Variants in PPM1L observed in about 807,000 individuals in gnomAD.
PPM1L encodes protein phosphatase 1L.
A neutral mutation model predicts 31.4 loss-of-function variants in PPM1L; 13 were observed. That is an observed-to-expected ratio of 0.41 (90% CI 0.27 to 0.66). PPM1L has a LOEUF of 0.66. Among genes scored for constraint, PPM1L ranks in the 30% least tolerant of loss-of-function variants. PPM1L has a pLI of 0.29. For synonymous variants in PPM1L, 184 were observed against 175.4 expected (o/e 1.05, Z -0.39); for missense variants, 326 against 453.7 (o/e 0.72, Z 2.56).
chr3:160,756,526 G>A lies in PPM1L; in HGVS notation c.218G>A (p.Gly73Glu). ...VAEIMQNDRLGGLDVLEAEFS... is the reference protein window; with the variant it reads ...VAEIMQNDRLEGLDVLEAEFS... ...GAGATCATGCAGAACGATCGACTCGGGGGGCTTGATGTGCTCGAGGCCGAG... is the reference window on the plus strand; with the variant it reads ...GAGATCATGCAGAACGATCGACTCGAGGGGCTTGATGTGCTCGAGGCCGAG... Residue 73 changes from glycine (G) to glutamate (E), a missense_variant, in exon 1 of 4, where the codon GGG becomes GAG. This residue lies in a region of PPM1L where 83 missense variants were observed against 79.4 expected (regional missense o/e 1.04). Transcript: ENST00000498165. This position sits in a 1 kb window ranked among gnomAD's most constrained non-coding sequence, Gnocchi z 6.2. The A allele has an allele frequency of 6.2e-7, 1 of 1,614,122 alleles. No individual in the cohort carries two copies. The highest frequency in any genetic ancestry group is 8.5e-7 in the Non-Finnish European group (1 of 1,180,006).
intron 2 of PPM1L, among the ~76,000 whole-genome samples, chr3:160,974,463 G>C (rs1716490930): frequency 6.7e-6 from 1 of 150,278 alleles, no homozygotes. Context: ...TTCCACAATG[G>C]TTGAACTAGT....
At chr3:160,757,205 C>G (rs1011865546) in intron 1 of PPM1L, among the ~76,000 whole-genome samples, 1 of 152,214 alleles carries the variant, frequency 6.6e-6, no homozygotes, top group East Asian at 1.9e-4. Context: ...TGACTCCTTC[C>G]CATCGCCTTC....
At chr3:161,015,936 T>G (rs984073800) in intron 2 of PPM1L, among the ~76,000 whole-genome samples, 2 of 152,050 alleles carry the variant, frequency 1.3e-5, no homozygotes, top group Admixed American at 6.6e-5. Context: ...CCTTAAAAAG[T>G]GAGGAGTGCC....
At chr3:161,030,214 A>G (rs1284936059) in intron 2 of PPM1L, among the ~76,000 whole-genome samples, 1 of 152,218 alleles carries the variant, frequency 6.6e-6, no homozygotes, top group East Asian at 1.9e-4. Context: ...CCTTTAGGAG[A>G]CGATTAAGGA....
chr3:160,983,667 G>A (rs1716873942), intron 2 of PPM1L, among the ~76,000 whole-genome samples: 1 of 152,316 alleles, frequency 6.6e-6, no homozygotes, highest in Admixed American at 6.5e-5. Context: ...GGCGATCAGT[G>A]CATCATTGCT....
intron 2 of PPM1L, among the ~76,000 whole-genome samples, chr3:160,963,093 T>C: frequency 6.6e-6 from 1 of 152,016 alleles, no homozygotes; most frequent in East Asian, 1.9e-4. Context: ...GGAATAAAGT[T>C]AGGTTTTGAT....
chr3:160,811,564 C>T (rs1197189163), intron 1 of PPM1L, among the ~76,000 whole-genome samples: 3 of 152,184 alleles, frequency 2.0e-5, no homozygotes, highest in Non-Finnish European at 4.4e-5. Context: ...TTCCCAACTC[C>T]TGTTTTAATA....
chr3:160,914,975 C>G (rs953543533), intron 1 of PPM1L, among the ~76,000 whole-genome samples: 1 of 152,004 alleles, frequency 6.6e-6, no homozygotes, highest in African/African-American at 2.4e-5. Context: ...TTTTAATGAT[C>G]GCCATTCTAA....
At chr3:161,046,396 T>C (rs1238575129) in intron 2 of PPM1L, among the ~76,000 whole-genome samples, 1 of 151,782 alleles carries the variant, frequency 6.6e-6, no homozygotes, top group African/African-American at 2.4e-5. Context: ...CAGGAAGAAG[T>C]TGAATCCCTG....
intron 1 of PPM1L, among the ~76,000 whole-genome samples, chr3:160,885,830 C>T (rs1712897457): frequency 6.6e-6 from 1 of 152,350 alleles, no homozygotes; most frequent in Admixed American, 6.5e-5. Context: ...GCCTGCGGAG[C>T]TCCCCTGGGG....
intron 2 of PPM1L, among the ~76,000 whole-genome samples, chr3:160,962,124 G>GT (rs1715985967): frequency 6.6e-6 from 1 of 151,876 alleles, no homozygotes; most frequent in Non-Finnish European, 1.5e-5. Context: ...AAATTTTGCT[G>GT]TTTTTTATTG....
intron 1 of PPM1L, among the ~76,000 whole-genome samples, chr3:160,816,150 A>G (rs1220739067): frequency 6.6e-6 from 1 of 152,114 alleles, no homozygotes; most frequent in Non-Finnish European, 1.5e-5. Context: ...TCTAGATTTC[A>G]ATTAAACTGA....
chr3:160,970,147 T>G (rs1716275124), intron 2 of PPM1L, among the ~76,000 whole-genome samples: 1 of 152,206 alleles, frequency 6.6e-6, no homozygotes, highest in African/African-American at 2.4e-5. Context: ...TTTAATATTT[T>G]TAATATGGTT....
intron 1 of PPM1L, among the ~76,000 whole-genome samples, chr3:160,796,187 T>A (rs1194545482): frequency 6.6e-6 from 1 of 152,206 alleles, no homozygotes; most frequent in Non-Finnish European, 1.5e-5. Context: ...CATGTAAAAT[T>A]GGAGTAAAGC....
chr3:160,801,128 T>TACACACAC (rs10575984), intron 1 of PPM1L, among the ~76,000 whole-genome samples: 89 of 145,686 alleles, frequency 6.1e-4, no homozygotes, highest in Admixed American at 8.9e-4. Flanking sequence ...TGTTTAGTGA[T>TACACACAC]ACACACACAC....
chr3:160,966,234 A>C (rs1210336222), intron 2 of PPM1L, among the ~76,000 whole-genome samples: 2 of 152,038 alleles, frequency 1.3e-5, no homozygotes, highest in Non-Finnish European at 2.9e-5. Flanking sequence ...TATATTTTCC[A>C]ATGTGGTATT....
chr3:160,860,566 A>G (rs1576675315), intron 1 of PPM1L, among the ~76,000 whole-genome samples: 1 of 152,220 alleles, frequency 6.6e-6, no homozygotes, highest in East Asian at 1.9e-4. Flanking sequence ...GAAATTGCAG[A>G]TTTAGGATTA....
intron 1 of PPM1L, among the ~76,000 whole-genome samples, chr3:160,842,807 A>G (rs1351015539): frequency 1.3e-5 from 2 of 152,196 alleles, no homozygotes; most frequent in African/African-American, 2.4e-5. Context: ...GGAAGGGCCA[A>G]ACCTGGCCTG....
intron 2 of PPM1L, among the ~76,000 whole-genome samples, chr3:161,040,990 C>A (rs1241274686): frequency 6.6e-6 from 1 of 152,156 alleles, no homozygotes; most frequent in Non-Finnish European, 1.5e-5. Context: ...CAGGCCTTTC[C>A]AATCCTAAAG....
Sources: gnomAD v4.1 joint callset for allele counts (sites outside exome capture counted in the v4.1 genomes callset) on GRCh38, gnomAD v4.1.1 for gene constraint, gnomAD v4.1.1 regional missense constraint, Gnocchi (gnomAD v3.1) non-coding constraint, MANE v1.5 for transcripts, NCBI Gene and HGNC (gene_info 2026-07-23, HGNC 2026-07-21) for gene names.